Variants in BARX2 observed in about 807,000 individuals in gnomAD.
BARX2 encodes homeobox protein BarH-like 2.
In BARX2, 11 loss-of-function variants were observed where a neutral mutation model predicts 25.5. The observed-to-expected ratio is 0.43, with a 90% CI of 0.27 to 0.71. The LOEUF (loss-of-function observed/expected upper bound fraction) is 0.71. BARX2 is among the 30% of genes least tolerant of loss of function. The pLI, the probability that BARX2 is intolerant of heterozygous loss-of-function variation, is 0.19. For missense variants in BARX2, 360 were observed against 359.9 expected (o/e 1.00, Z 0.00); for synonymous variants, 137 against 149.5 (o/e 0.92, Z 0.61).
intron 3 of BARX2, among the ~76,000 whole-genome samples, chr11:129,444,993 TCC>T (rs1862307268): frequency 6.6e-6 from 1 of 151,242 alleles, no homozygotes; most frequent in Non-Finnish European, 1.5e-5. Context: ...GGAGCAAGAC[TCC>T]GTCTCAAAAA....
At chr11:129,431,342 G>A (rs764458607) in intron 1 of BARX2, among the ~76,000 whole-genome samples, 6 of 152,146 alleles carry the variant, frequency 3.9e-5, no homozygotes, top group African/African-American at 7.2e-5. Context: ...AATGGTAAGC[G>A]TTTGTTTAAC....
chr11:129,395,570 C>T (rs1018739704), intron 1 of BARX2, among the ~76,000 whole-genome samples: 1 of 152,150 alleles, frequency 6.6e-6, no homozygotes, highest in African/African-American at 2.4e-5. Flanking sequence ...CCGGCCCTCC[C>T]GGTCACACCC....
rs541964197 is a variant in BARX2 at position 129,430,379 on chromosome 11, T to C, written c.188-6372T>C. 2.6e-5 allele frequency among the ~76,000 whole-genome samples: 4 copies of C among 152,212 alleles called. No homozygotes were observed. In the South Asian group the frequency reaches 8.3e-4, roughly 32 times the overall value. ...TACATATTACTGGATTTAGGTCATA[T>C]ATATATATGTACATAGGAACAATTC... is the stretch of plus-strand genomic sequence containing the variant. On this transcript the variant is annotated intron_variant, in intron 1 of 3. Coordinates refer to ENST00000281437, the MANE Select transcript of BARX2 (RefSeq NM_003658.5).
intron 1 of BARX2, among the ~76,000 whole-genome samples, chr11:129,391,315 G>A (rs988906283): frequency 3.9e-5 from 6 of 152,268 alleles, no homozygotes; most frequent in South Asian, 2.1e-4. Flanking sequence ...ATCAGTGTCC[G>A]TACATAAAAA....
chr11:129,442,660 C>A, intron 2 of BARX2, 175 bp from the exon 3 acceptor site: 1 of 651,130 alleles, frequency 1.5e-6, no homozygotes. Flanking sequence ...CCAGAGTTTC[C>A]TCTGTTGGAT....
intron 1 of BARX2, among the ~76,000 whole-genome samples, chr11:129,424,825 T>C (rs1210233267): frequency 6.6e-6 from 1 of 152,152 alleles, no homozygotes; most frequent in Non-Finnish European, 1.5e-5. Flanking sequence ...GGATGTCAGC[T>C]AGAAATGATT....
Position 129,410,597 on chromosome 11 carries a change from C to T in BARX2, c.188-26154C>T, listed in dbSNP as rs542789016. Among the ~76,000 whole-genome samples, 5 of 152,282 alleles carry T rather than the reference C, an allele frequency of 3.3e-5. No homozygotes were observed. The South Asian group carries it at 1.0e-3, about 32-fold the overall frequency. ...GTGTGTACATGAATGAATATGTGCA[C>T]ACCCTGTGGGCCAGCAGGCCTCCCT... On this transcript the variant is annotated intron_variant, in intron 1 of 3. Coordinates refer to ENST00000281437, the MANE Select transcript of BARX2 (RefSeq NM_003658.5).
chr11:129,392,293 C>T (rs1400056533), intron 1 of BARX2, among the ~76,000 whole-genome samples: 6 of 152,226 alleles, frequency 3.9e-5, no homozygotes. Flanking sequence ...TTTGCTGCAA[C>T]TTCCTGTGCA....
At chr11:129,413,120 A>C (rs1861906384) in intron 1 of BARX2, among the ~76,000 whole-genome samples, 1 of 152,248 alleles carries the variant, frequency 6.6e-6, no homozygotes, top group Non-Finnish European at 1.5e-5. Flanking sequence ...TTAGTAATTT[A>C]AAAAGTGAAT....
Position 129,437,077 on chromosome 11 carries a change from C to T in BARX2, c.488+26C>T, listed in dbSNP as rs201351042. On this transcript the variant is annotated intron_variant, in intron 2 of 3. Coordinates refer to ENST00000281437, the MANE Select transcript of BARX2 (RefSeq NM_003658.5). ...GTGAGGACGCAGGGAAGGGACTCTC[C>T]GCAGTGAAGGCCCCTGGGAACGGGA... 315 of 1,517,246 alleles carry T rather than the reference C, an allele frequency of 2.1e-4. 2 individuals are homozygous for T. The African/African-American group carries it at 3.7e-3, about 18-fold the overall frequency. 94.0% of individuals were successfully genotyped at this position (1,517,246 alleles called of 1,614,324 possible).
chr11:129,375,256 G>A (rs551323274), upstream of BARX2, among the ~76,000 whole-genome samples: 3 of 152,286 alleles, frequency 2.0e-5, no homozygotes, highest in South Asian at 4.1e-4. The surrounding 1 kb of genome is among the most constrained non-coding windows in gnomAD (Gnocchi z 4.0). Context: ...GAGACTGCGA[G>A]TGGAGGGCTT....
rs1210641633 is a variant in BARX2, at chr11:129,436,807, G to C, written c.244G>C (p.Val82Leu). ...CTCGGTGATCACCCGCCAGCCCACT[G>C]TCATCTCCCACCTGGTCCCTGCCAC... Reference protein sequence around the residue: ...LLSVITRQPTVISHLVPATPG... With the variant: ...LLSVITRQPTLISHLVPATPG... Residue 82 changes from valine to leucine, a missense_variant, in exon 2 of 4, where the codon GTC (valine) becomes CTC (leucine). By Grantham distance (32) the Val-to-Leu change is conservative. Transcript: ENST00000281437. The surrounding 1 kb of genome is among the most constrained non-coding windows in gnomAD (Gnocchi z 4.5). 1 of 1,612,914 alleles carries C rather than the reference G, an allele frequency of 6.2e-7. No individual in the cohort carries two copies. The highest frequency in any genetic ancestry group is 8.5e-7 in the Non-Finnish European group (1 of 1,179,458).
Position 129,436,944 on chromosome 11 carries a change from G to A in BARX2, c.381G>A (p.Thr127=), listed in dbSNP as rs781012197. 65 of 1,613,020 alleles carry A rather than the reference G, an allele frequency of 4.0e-5. No homozygotes were observed. The highest frequency in any genetic ancestry group is 2.4e-4 in the South Asian group (22 of 90,938). Residue 127 remains threonine, a synonymous_variant, in exon 2 of 4, where the codon ACG becomes ACA. Transcript: ENST00000281437. The surrounding 1 kb of genome is among the most constrained non-coding windows in gnomAD (Gnocchi z 4.5). ...ASSESETEQP[T]PRQKKPRRSR... ...GCGAGTCAGAGACGGAACAGCCCAC[G>A]CCCCGACAGAAGAAGCCCCGCCGGA...
chr11:129,432,056 T>C (rs922641482), intron 1 of BARX2, among the ~76,000 whole-genome samples: 5 of 150,818 alleles, frequency 3.3e-5, no homozygotes, highest in African/African-American at 7.3e-5. Context: ...TTTTAAGCAA[T>C]TATTTTTAAA....
intron 1 of BARX2, among the ~76,000 whole-genome samples, chr11:129,401,847 T>C (rs533253647): frequency 6.6e-6 from 1 of 152,052 alleles, no homozygotes; most frequent in East Asian, 1.9e-4. Flanking sequence ...TTCCAGCTAC[T>C]TCAGAGGCTG....
chr11:129,403,963 C>T (rs1472882699), intron 1 of BARX2, among the ~76,000 whole-genome samples: 1 of 152,150 alleles, frequency 6.6e-6, no homozygotes, highest in Non-Finnish European at 1.5e-5. Context: ...CTGAAAGGCA[C>T]AGAAAGGTCA....
At position 129,451,465 on chromosome 11, in the gene BARX2, A is replaced by C; in HGVS notation, c.*63A>C. On this transcript the variant is annotated 3_prime_UTR_variant, in exon 4 of 4. Transcript: ENST00000281437. ...AAGGGAAAAGAGAGAAGGCAGGGAG[A>C]GTAGGGAGAGAAAACCTTCCAGCAG... is the stretch of plus-strand genomic sequence containing the variant. 1 of 1,553,812 alleles carries C rather than the reference A, an allele frequency of 6.4e-7. No homozygotes were observed. Among genetic ancestry groups the C allele is most frequent in the Admixed American group, 1.9e-5 (1 of 53,224 alleles).
At chr11:129,392,039 A>T (rs1384581551) in intron 1 of BARX2, among the ~76,000 whole-genome samples, 3 of 152,196 alleles carry the variant, frequency 2.0e-5, no homozygotes, top group Non-Finnish European at 4.4e-5. Flanking sequence ...GCATAGCTGG[A>T]TGGAACACTT....
At chr11:129,401,917 T>A in intron 1 of BARX2, among the ~76,000 whole-genome samples, 1 of 150,820 alleles carries the variant, frequency 6.6e-6, no homozygotes, top group East Asian at 1.9e-4. Context: ...GATTGCACCA[T>A]TGCACTACGG....
Sources: gnomAD v4.1 joint callset for allele counts (sites outside exome capture counted in the v4.1 genomes callset) on GRCh38, gnomAD v4.1.1 for gene constraint, Gnocchi (gnomAD v3.1) non-coding constraint, MANE v1.5 for transcripts, NCBI Gene and HGNC (gene_info 2026-07-23, HGNC 2026-07-21) for gene names.